Variants in RNF150 observed in about 807,000 individuals in gnomAD.
RNF150 encodes ring finger protein 150.
A neutral mutation model predicts 39.3 loss-of-function variants in RNF150; 24 were observed. That is an observed-to-expected ratio of 0.61 (90% CI 0.44 to 0.86). The LOEUF is 0.86. Ranked by LOEUF, RNF150 falls within the 40% of genes least tolerant of loss-of-function variation. The pLI is 0.00. For missense variants in RNF150, 502 were observed against 587.8 expected (o/e 0.85, Z 1.51); for synonymous variants, 255 against 227.3 (o/e 1.12, Z -1.10).
In RNF150 at chr4:141,010,988, C is replaced by T. The variant is rs569157458; in HGVS notation, c.485-43115G>A. 2.5e-4 allele frequency among the ~76,000 whole-genome samples: 38 copies of T among 152,162 alleles called. 1 individual carries two copies. The Middle Eastern group carries it at 0.01, about 41-fold the overall frequency. ...TACTGATACTACTTTTCTTATAATA[C>T]GTATAACAATGGAATACTTTTATCT... On this transcript the variant is annotated intron_variant, in intron 1 of 6. Transcript: ENST00000515673.
At chr4:141,180,491 G>A (rs552753749) in intron 1 of RNF150, among the ~76,000 whole-genome samples, 35 of 152,244 alleles carry the variant, frequency 2.3e-4, no homozygotes, top group Non-Finnish European at 3.7e-4. Flanking sequence ...TAAGGGAATT[G>A]GAGATGTTTT....
Position 140,923,636 on chromosome 4 carries a change from A to T in RNF150, c.987+2341T>A, listed in dbSNP as rs185744235. Reference sequence around the variant, plus strand: ...CCATTACTGGGTATATACCCTAAGGATTATAAATCATGCTGTTATAAAGAC... The same window carrying T: ...CCATTACTGGGTATATACCCTAAGGTTTATAAATCATGCTGTTATAAAGAC... On this transcript the variant is annotated intron_variant, in intron 5 of 6. Transcript: ENST00000515673. Among the ~76,000 whole-genome samples, 1,500 of 152,326 alleles carry T rather than the reference A, an allele frequency of 9.8e-3. 16 individuals carry two copies. The highest frequency in any genetic ancestry group is 0.027 in the Middle Eastern group (8 of 294).
At chr4:140,977,901 G>T (rs1050827759) in intron 1 of RNF150, among the ~76,000 whole-genome samples, 2 of 151,946 alleles carry the variant, frequency 1.3e-5, no homozygotes, top group Non-Finnish European at 2.9e-5. Flanking sequence ...TGTTCTATCC[G>T]CTTTTCTACA....
intron 6 of RNF150, among the ~76,000 whole-genome samples, chr4:140,883,310 T>C (rs529645954): frequency 6.6e-6 from 1 of 152,308 alleles, no homozygotes; most frequent in South Asian, 2.1e-4. Flanking sequence ...CATTACAGTA[T>C]TTATGCACCA....
intron 4 of RNF150, among the ~76,000 whole-genome samples, chr4:140,929,093 G>A (rs1027074088): frequency 1.3e-5 from 2 of 152,280 alleles, no homozygotes; most frequent in African/African-American, 2.4e-5. Context: ...CTGGTCCTTT[G>A]ACCATTCCCT....
upstream of RNF150, among the ~76,000 whole-genome samples, chr4:141,137,592 A>G (rs1727047706): frequency 6.6e-6 from 1 of 152,204 alleles, no homozygotes; most frequent in African/African-American, 2.4e-5. Context: ...TTGATTGGGG[A>G]AAGAATCGAG....
chr4:141,071,496 A>T (rs1193902841), intron 1 of RNF150, among the ~76,000 whole-genome samples: 6 of 152,056 alleles, frequency 3.9e-5, no homozygotes, highest in Non-Finnish European at 8.8e-5. Flanking sequence ...GGAAGAAAAT[A>T]AAAACAAGCA....
intron 1 of RNF150, among the ~76,000 whole-genome samples, chr4:141,189,286 G>T (rs575964331): frequency 7.9e-5 from 12 of 152,264 alleles, no homozygotes; most frequent in African/African-American, 2.6e-4. Context: ...TCCCAGAGGG[G>T]CACCCTCCAG....
chr4:141,107,246 C>A (rs559388377), intron 1 of RNF150, among the ~76,000 whole-genome samples: 10 of 152,164 alleles, frequency 6.6e-5, no homozygotes, highest in Non-Finnish European at 1.2e-4. Flanking sequence ...TCTAGTGCTA[C>A]CTATTGCTTT....
intron 1 of RNF150, among the ~76,000 whole-genome samples, chr4:141,068,703 C>T (rs971032483): frequency 3.1e-4 from 45 of 147,106 alleles, no homozygotes; most frequent in Non-Finnish European, 5.7e-4. Flanking sequence ...ATGGAATGTT[C>T]TTCCATTTGT....
At chr4:141,202,344 A>T (rs1274707043) in intron 1 of RNF150, among the ~76,000 whole-genome samples, 1 of 152,114 alleles carries the variant, frequency 6.6e-6, no homozygotes, top group Non-Finnish European at 1.5e-5. Flanking sequence ...AGCTAGGAGA[A>T]CTTCCTGGAC....
intron 6 of RNF150, among the ~76,000 whole-genome samples, chr4:140,910,227 A>G (rs917871610): frequency 6.6e-6 from 1 of 152,202 alleles, no homozygotes; most frequent in African/African-American, 2.4e-5. Context: ...CAAATGCTTC[A>G]ATCTGCTTTT....
At chr4:140,958,845 A>G (rs1732893279) in intron 2 of RNF150, among the ~76,000 whole-genome samples, 1 of 152,154 alleles carries the variant, frequency 6.6e-6, no homozygotes, top group Non-Finnish European at 1.5e-5. Context: ...GGTATTCAAA[A>G]GTCATCATGA....
chr4:141,078,804 A>G (rs1330612198), intron 1 of RNF150, among the ~76,000 whole-genome samples: 2 of 83,536 alleles, frequency 2.4e-5, no homozygotes, highest in African/African-American at 8.3e-5. Context: ...AAAAAAAAAA[A>G]AAAAATATAT....
At chr4:140,966,410 A>G (rs1363316607) in intron 2 of RNF150, among the ~76,000 whole-genome samples, 2 of 152,122 alleles carry the variant, frequency 1.3e-5, no homozygotes, top group African/African-American at 4.8e-5. Context: ...GACCATGGAT[A>G]AAATAAAAGA....
chr4:140,987,049 G>C (rs1734038348), intron 1 of RNF150, among the ~76,000 whole-genome samples: 1 of 151,784 alleles, frequency 6.6e-6, no homozygotes, highest in African/African-American at 2.4e-5. Flanking sequence ...AATATCTAAG[G>C]ATACATCTGA....
chr4:140,882,071 G>A (rs1229632704), intron 6 of RNF150, among the ~76,000 whole-genome samples: 1 of 151,754 alleles, frequency 6.6e-6, no homozygotes, highest in Non-Finnish European at 1.5e-5. Context: ...CCAGGCTGGA[G>A]TGCAGTGGTG....
intron 6 of RNF150, among the ~76,000 whole-genome samples, chr4:140,899,533 T>G (rs998727570): frequency 6.6e-6 from 1 of 151,938 alleles, no homozygotes; most frequent in African/African-American, 2.4e-5. Context: ...AGGCTGGAGA[T>G]TGGTGGTGGT....
intron 4 of RNF150, among the ~76,000 whole-genome samples, chr4:140,933,683 TATG>T (rs1188049094): frequency 6.6e-6 from 1 of 152,198 alleles, no homozygotes; most frequent in Admixed American, 6.5e-5. Flanking sequence ...AGGAAAGAGG[TATG>T]AATGGTGAAG....
Sources: gnomAD v4.1 joint callset for allele counts (sites outside exome capture counted in the v4.1 genomes callset) on GRCh38, gnomAD v4.1.1 for gene constraint, MANE v1.5 for transcripts, NCBI Gene and HGNC (gene_info 2026-07-23, HGNC 2026-07-21) for gene names.